The following ZNF91 variants were observed in gnomAD, a reference collection of about 807,000 sequenced individuals.
ZNF91 encodes the protein zinc finger protein 91 (HPF7, HTF10).
In ZNF91, 7 loss-of-function variants were observed where a neutral mutation model predicts 12.6. That is an observed-to-expected ratio of 0.55 (90% confidence interval 0.31 to 1.04). The LOEUF is 1.04. ZNF91 is among the 50% of genes least tolerant of loss of function. The probability of loss-of-function intolerance (pLI) is 0.05; values close to 1 mark genes in which losing one functional copy is unlikely to be tolerated. For synonymous variants in ZNF91, 453 were observed against 462.6 expected (o/e 0.98, Z 0.27); for missense variants, 1,217 against 1,385.4 (o/e 0.88, Z 1.93).
At chr19:23,323,630 CCTCCTCCTTCTCTTCTCCT>C (rs1967763186) in intron 1 of ZNF91, among the ~76,000 whole-genome samples, 1 of 145,304 alleles carries the variant, frequency 6.9e-6, no homozygotes, top group Non-Finnish European at 1.5e-5. Context: ...TCTCCTTTCT[CCTCCTCCTTCTCTTCTCCT>C]CTCCTCCTCC....
chr19:23,322,020 C>T (rs1967707017), intron 1 of ZNF91, among the ~76,000 whole-genome samples: 1 of 152,174 alleles, frequency 6.6e-6, no homozygotes, highest in South Asian at 2.1e-4. Flanking sequence ...TAACATATGG[C>T]CCAGCATGTA....
At chr19:23,355,387 A>T (rs1018048632), downstream of ZNF91, among the ~76,000 whole-genome samples, 2 of 152,236 alleles carry the variant, frequency 1.3e-5, no homozygotes, top group African/African-American at 4.8e-5. Context: ...GTTCTGGGAT[A>T]ATTGGCTAGC....
chr19:23,328,947 T>C (rs541455015), intron 1 of ZNF91: 4 of 152,332 alleles, frequency 2.6e-5, no homozygotes, highest in African/African-American at 9.6e-5. Context: ...TAAAGAGTTA[T>C]GTATATGTTT....
Position 23,361,134 on chromosome 19 carries a change from T to A in ZNF91, c.1845A>T (p.Ser615=), listed in dbSNP as rs773829346. The A allele has an allele frequency of 6.2e-7, 1 of 1,613,842 alleles. No individual in the cohort carries two copies. The highest frequency in any genetic ancestry group is 1.1e-5 in the South Asian group (1 of 91,072). Residue 615 remains serine (S), a synonymous_variant, in exon 4 of 4, where the codon TCA becomes TCT. Coordinates refer to ENST00000300619, the MANE Select transcript of ZNF91 (RefSeq NM_003430.4). ...EECGKAFLWS[S]TLRRHKRIHT... The stretch of plus-strand genomic sequence containing the variant: ...GTATCCTCTTATGTCTTCTTAGGGT[T>A]GAGGACCATAGAAATGCTTTGCCAC...
intron 1 of ZNF91, chr19:23,385,278 G>A (rs142933948): frequency 2.0e-5 from 10 of 495,938 alleles, no homozygotes; most frequent in South Asian, 3.9e-5. Context: ...TGAATGTCAC[G>A]GAAAAAAATA....
chr19:23,318,907 A>T (rs921892700), intron 1 of ZNF91, among the ~76,000 whole-genome samples: 2 of 152,092 alleles, frequency 1.3e-5, no homozygotes, highest in Non-Finnish European at 2.9e-5. Context: ...TTCACCCAAC[A>T]TTTATGTGAT....
intron 3 of ZNF91, among the ~76,000 whole-genome samples, chr19:23,362,957 C>T (rs1233725639): frequency 6.6e-6 from 1 of 152,070 alleles, no homozygotes; most frequent in Non-Finnish European, 1.5e-5. Context: ...CACAGCAAGC[C>T]CTGCCTCCTG....
chr19:23,385,916 CTAAGT>C (rs1274329894), intron 1 of ZNF91, among the ~76,000 whole-genome samples: 5 of 151,908 alleles, frequency 3.3e-5, no homozygotes, highest in African/African-American at 1.2e-4. Flanking sequence ...ACTACTGTAA[CTAAGT>C]TATTTTTAAA....
chr19:23,376,832 C>T (rs910062219), intron 1 of ZNF91, among the ~76,000 whole-genome samples: 1 of 152,112 alleles, frequency 6.6e-6, no homozygotes, highest in African/African-American at 2.4e-5. Flanking sequence ...ACATGTTTAG[C>T]TGAAAAAAAG....
At chr19:23,314,628 C>G (rs946420946), upstream of ZNF91, among the ~76,000 whole-genome samples, 1 of 152,080 alleles carries the variant, frequency 6.6e-6, no homozygotes, top group African/African-American at 2.4e-5. Flanking sequence ...GGCCCCAGCC[C>G]CTAGGTTATT....
intron 3 of ZNF91, among the ~76,000 whole-genome samples, chr19:23,368,534 C>G (rs1280051861): frequency 7.3e-5 from 10 of 136,058 alleles, no homozygotes; most frequent in Non-Finnish European, 1.6e-4. Flanking sequence ...CTCTCTCTCT[C>G]TCTCTCTCTC....
chr19:23,392,072 T>C (rs563350868), intron 1 of ZNF91, among the ~76,000 whole-genome samples: 84 of 152,094 alleles, frequency 5.5e-4, no homozygotes, highest in African/African-American at 1.9e-3. Context: ...AAATATATTA[T>C]GTTATTATTT....
chr19:23,354,274 A>C (rs1260485360), downstream of ZNF91, among the ~76,000 whole-genome samples: 1 of 152,214 alleles, frequency 6.6e-6, no homozygotes, highest in Non-Finnish European at 1.5e-5. Flanking sequence ...CACCATGATC[A>C]AGCTGATTTC....
chr19:23,323,167 C>A (rs1967747039), intron 1 of ZNF91, among the ~76,000 whole-genome samples: 1 of 144,034 alleles, frequency 6.9e-6, no homozygotes, highest in Non-Finnish European at 1.5e-5. Flanking sequence ...TCCTCTCCAC[C>A]TTTTTCTCTT....
At chr19:23,368,332 T>A (rs1369741161) in intron 3 of ZNF91, among the ~76,000 whole-genome samples, 1 of 151,720 alleles carries the variant, frequency 6.6e-6, no homozygotes, top group Non-Finnish European at 1.5e-5. Flanking sequence ...CTGAACAAGA[T>A]GGTGAAAACC....
intron 1 of ZNF91, chr19:23,380,873 T>C (rs1969690844): frequency 7.3e-6 from 1 of 137,076 alleles, no homozygotes. Context: ...CCAGCACTTT[T>C]TGATTAAAAA....
chr19:23,329,523 T>G (rs1967890956), intron 1 of ZNF91, among the ~76,000 whole-genome samples: 1 of 152,252 alleles, frequency 6.6e-6, no homozygotes, highest in Non-Finnish European at 1.5e-5. Flanking sequence ...ATAAAGTTTA[T>G]GTAGTAAACG....
rs1353456699 is a variant in ZNF91 at position 23,364,084 on chromosome 19, CAAG to C, written c.254-1362_254-1360del. 2.6e-5 allele frequency among the ~76,000 whole-genome samples: 4 copies of C among 152,162 alleles called. No individual in the cohort carries two copies. In the East Asian group the frequency reaches 7.7e-4, roughly 29 times the overall value. On this transcript the variant is annotated intron_variant, in intron 3 of 3. Coordinates refer to ENST00000300619, the MANE Select transcript of ZNF91 (RefSeq NM_003430.4). ...CTGTATTTTAGGCACTTTGGGAGGC[CAAG>C]GAGGACAGATCACCTAAGGTCAGGA...
At chr19:23,350,905 C>T (rs1218593214) in intron 3 of ZNF91, among the ~76,000 whole-genome samples, 8 of 152,282 alleles carry the variant, frequency 5.3e-5, no homozygotes, top group East Asian at 3.9e-4. Flanking sequence ...CCGCCTGCAC[C>T]GAGATGCTCA....
Sources: allele counts gnomAD v4.1 joint callset (sites outside exome capture counted in the v4.1 genomes callset), GRCh38; gene constraint gnomAD v4.1.1; transcripts MANE v1.5; gene names NCBI Gene and HGNC (gene_info 2026-07-23, HGNC 2026-07-21).